Variants in SNAPC4 observed in about 807,000 individuals in gnomAD.
SNAPC4 encodes snRNA-activating protein complex subunit 4.
In SNAPC4, 127 loss-of-function variants were observed where a neutral mutation model predicts 151.3. That is an observed-to-expected ratio of 0.84 (90% CI 0.73 to 0.97). The LOEUF (loss-of-function observed/expected upper bound fraction) is 0.97. SNAPC4 is among the 50% of genes least tolerant of loss of function. The probability of loss-of-function intolerance (pLI) is 0.00; values close to 1 mark genes in which losing one functional copy is unlikely to be tolerated. For synonymous variants in SNAPC4, 1,002 were observed against 824.4 expected, an observed-to-expected ratio of 1.22 and a Z score of -3.69; for missense variants, 2,186 against 1,935.0, an observed-to-expected ratio of 1.13 and a Z score of -2.43.
rs150226177 is a variant in SNAPC4 at position 136,394,312 on chromosome 9, G to A, written c.569C>T (p.Ala190Val). 4.2e-5 allele frequency: 67 copies of A among 1,613,814 alleles called. No homozygotes were observed. In the African/African-American group the frequency reaches 7.7e-4, roughly 19 times the overall value. ...LVTKWKNWEK[A>V]LLRKSVVSDR... ...ACTCACCACTGACTTTCGGAGCAAG[G>A]CCTTTTCCCAGTTTTTCCCTGAGGA... Residue 190 changes from alanine (A) to valine (V), a missense_variant, in exon 7 of 24, where the codon GCC becomes GTC. Physicochemically the swap from Ala to Val is moderately conservative, Grantham distance 64 (BLOSUM62 0). Transcript: ENST00000684778.
In SNAPC4 at chr9:136,381,940, G is replaced by C. The variant is rs138358923; in HGVS notation, c.2201C>G (p.Ala734Gly). The change falls in exon 18 of 24, where the codon GCT (alanine) becomes GGT (glycine). Residue 734 changes from alanine (A) to glycine (G), a missense_variant. Ala to Gly is a moderately conservative substitution (Grantham distance 60). Transcript: ENST00000684778. ...GCGGTTCAGGAGCCTCCGGTGCAGA[G>C]CGTGTCTCCAGCGCCGCTGCCCACT... ...TQSGQRRWRH[A>G]LHRRLLNRRL... 1 of 1,612,800 alleles carries C rather than the reference G, an allele frequency of 6.2e-7. No homozygotes were observed. The highest frequency in any genetic ancestry group is 8.5e-7 in the Non-Finnish European group (1 of 1,179,976).
intron 23 of SNAPC4, among the ~76,000 whole-genome samples, chr9:136,376,092 A>T (rs1007848201): frequency 3.3e-5 from 5 of 152,322 alleles, no homozygotes; most frequent in Non-Finnish European, 7.4e-5. Context: ...GGAGGAGCCC[A>T]GACCCCAAAG....
chr9:136,385,819 G>A (rs1239791280), intron 13 of SNAPC4, among the ~76,000 whole-genome samples: 1 of 152,132 alleles, frequency 6.6e-6, no homozygotes, highest in African/African-American at 2.4e-5. Context: ...CTCCCAAAGT[G>A]CTAGGATTAC....
chr9:136,383,510 C>A lies in SNAPC4; in HGVS notation c.1659G>T (p.Gly553=), dbSNP rs753330623. Reference sequence around the variant, plus strand: ...GGGACAGCAGCGCTCTGTCACCCTCCCCGGCCTGCGCCTGCTCTGGCTCGT... The same window carrying A: ...GGGACAGCAGCGCTCTGTCACCCTCACCGGCCTGCGCCTGCTCTGGCTCGT... The part of the protein sequence containing the change: ...EEDEPEQAQA[G]EGDRALLSPQ... Residue 553 remains glycine, a synonymous_variant, in exon 16 of 24, where the codon GGG becomes GGT. Transcript: ENST00000684778. This position sits in a 1 kb window ranked among gnomAD's most constrained non-coding sequence, Gnocchi z 4.2. 1 of 1,581,550 alleles carries A rather than the reference C, an allele frequency of 6.3e-7. No homozygotes were observed. Among genetic ancestry groups the A allele is most frequent in the Non-Finnish European group, 8.6e-7 (1 of 1,164,374 alleles).
Position 136,378,654 on chromosome 9 carries a change from A to C in SNAPC4, c.3173T>G (p.Leu1058Arg). Reference sequence around the variant, plus strand: ...TGGCCCTCCTATGTGCGTCAGGCTGAGGGGCTGGACGGGCAGTGGGGTGGG... The same window carrying C: ...TGGCCCTCCTATGTGCGTCAGGCTGCGGGGCTGGACGGGCAGTGGGGTGGG... ...PSPTPLPVQP[L>R]SLTHIGGPHV... Residue 1058 changes from leucine to arginine, a missense_variant, in exon 22 of 24, where the codon CTC (leucine) becomes CGC (arginine). Coordinates refer to ENST00000684778, the MANE Select transcript of SNAPC4 (RefSeq NM_003086.4). 6.9e-7 allele frequency: 1 copy of C among 1,444,226 alleles called. No homozygotes were observed. Among genetic ancestry groups the C allele is most frequent in the South Asian group, 1.3e-5 (1 of 76,958 alleles). 89.5% of individuals were successfully genotyped at this position (1,444,226 alleles called of 1,614,324 possible).
intron 10 of SNAPC4, among the ~76,000 whole-genome samples, chr9:136,389,474 C>T (rs919476167): frequency 6.6e-6 from 1 of 152,130 alleles, no homozygotes; most frequent in Non-Finnish European, 1.5e-5. Context: ...TCTTCCCCAC[C>T]AAGTCCTTCC....
chr9:136,378,406 T>G lies in SNAPC4; in HGVS notation c.3421A>C (p.Asn1141His), dbSNP rs1833550013. ...CTGCAGGAAGGCTCCGGTTCCCTGT[T>G]CATATTGGCTGGGGGCTGCCAAGAG... ...SSSWQPPANM[N>H]REPEPSCRTD... Residue 1141 changes from asparagine (N) to histidine (H), a missense_variant, in exon 22 of 24, where the codon AAC becomes CAC. By Grantham distance (68) the Asn-to-His change is moderately conservative (BLOSUM62 1). Coordinates refer to ENST00000684778, the MANE Select transcript of SNAPC4 (RefSeq NM_003086.4). 2 of 1,606,864 alleles carry G rather than the reference T, an allele frequency of 1.2e-6. No individual in the cohort carries two copies. The highest frequency in any genetic ancestry group is 1.7e-6 in the Non-Finnish European group (2 of 1,178,324).
Position 136,398,300 on chromosome 9 carries a change from T to G in SNAPC4, c.129A>C (p.Ala43=), listed in dbSNP as rs1439715550. 9.3e-6 allele frequency: 15 copies of G among 1,612,874 alleles called. No individual in the cohort carries two copies. In the Admixed American group the frequency reaches 2.2e-4, roughly 23 times the overall value. The part of the protein sequence containing the change: ...SESSLESDSE[A]DSLPSEDLDP... ...GGAGGCTAGGTACAAGGGGCTTACC[T>G]GCTTCAGAATCTGACTCGAGACTTG... The change falls in exon 2 of 24, where the codon GCA becomes GCC. Residue 43 remains alanine (A), a splice_region_variant and synonymous_variant. Transcript: ENST00000684778.
chr9:136,385,475 A>G (rs1025112013), intron 13 of SNAPC4, among the ~76,000 whole-genome samples: 1 of 152,246 alleles, frequency 6.6e-6, no homozygotes, highest in African/African-American at 2.4e-5. Flanking sequence ...AAGTGCAAGC[A>G]AATGTTCAGA....
chr9:136,398,374 T>C lies in SNAPC4; in HGVS notation c.55A>G (p.Arg19Gly). The C allele has an allele frequency of 6.2e-7, 1 of 1,613,986 alleles. No individual in the cohort carries two copies. Among genetic ancestry groups the C allele is most frequent in the Non-Finnish European group, 8.5e-7 (1 of 1,179,930 alleles). The change falls in exon 2 of 24, where the codon AGG becomes GGG. Residue 19 changes from arginine to glycine, a missense_variant. Coordinates refer to ENST00000684778, the MANE Select transcript of SNAPC4 (RefSeq NM_003086.4). The stretch of plus-strand genomic sequence containing the variant: ...CCCGAGGAGCCGGGATCCAAAATCC[T>C]TTCCAGCTCCTTGATCTCCTGTGTT... ...KITQEIKELE[R>G]ILDPGSSGSH...
intron 22 of SNAPC4, among the ~76,000 whole-genome samples, 184 bp downstream of exon 22, chr9:136,377,359 C>T (rs1833485995): frequency 6.6e-6 from 1 of 152,090 alleles, no homozygotes; most frequent in African/African-American, 2.4e-5. Context: ...AAAGGGAGGC[C>T]ACTTCTGCAG....
chr9:136,383,266 GGGCCCT>G lies in SNAPC4; in HGVS notation c.1897_1902del (p.Arg633_Ala634del). On this transcript the variant is annotated inframe_deletion, in exon 16 of 24. Transcript: ENST00000684778. The surrounding 1 kb of genome is among the most constrained non-coding windows in gnomAD (Gnocchi z 4.2). ...TGGGCAGACCTCGGGACAGGGCCGTGGGCCCTGGCAGGGACCTGCACCGGACTCGTC... is the reference window on the plus strand; with the variant it reads ...TGGGCAGACCTCGGGACAGGGCCGTGGGCAGGGACCTGCACCGGACTCGTC... 6.2e-7 allele frequency: 1 copy of G among 1,610,802 alleles called. No homozygotes were observed.
At chr9:136,394,777 G>A (rs375910722) in intron 6 of SNAPC4, 23 bp downstream of exon 6, 117 of 1,609,112 alleles carry the variant, frequency 7.3e-5, no homozygotes, top group Admixed American at 4.4e-4. Context: ...CAGGGGTGCC[G>A]CAGGGCCGGC....
At position 136,395,300 on chromosome 9, in the gene SNAPC4, C is replaced by A. The variant is rs759754919; in HGVS notation, c.469G>T (p.Val157Leu). The A allele has an allele frequency of 6.2e-7, 1 of 1,612,908 alleles. No individual in the cohort carries two copies. Among genetic ancestry groups the A allele is most frequent in the Non-Finnish European group, 8.5e-7 (1 of 1,179,668 alleles). The change falls in exon 5 of 24, where the codon GTG (valine) becomes TTG (leucine). Residue 157 changes from valine (V) to leucine (L), a missense_variant and splice_region_variant. Coordinates refer to ENST00000684778, the MANE Select transcript of SNAPC4 (RefSeq NM_003086.4). Reference sequence around the variant, plus strand: ...AGAGCAGGGCCTCGGCCACTCACCACGCCCGTGACCTTGTCCTTGAAATAC... The same window carrying A: ...AGAGCAGGGCCTCGGCCACTCACCAAGCCCGTGACCTTGTCCTTGAAATAC... ...KPYFKDKVTG[V>L]GPPANEDTRE...
intron 16 of SNAPC4, among the ~76,000 whole-genome samples, 158 bp from the exon 17 acceptor site, chr9:136,382,494 C>T (rs1291005451): frequency 1.3e-5 from 2 of 152,218 alleles, no homozygotes; most frequent in South Asian, 2.1e-4. Context: ...CCATGGGAAG[C>T]GTGGGTTCCC....
At chr9:136,393,218 C>T (rs1834142895) in intron 7 of SNAPC4, among the ~76,000 whole-genome samples, 1 of 152,224 alleles carries the variant, frequency 6.6e-6, no homozygotes, top group Non-Finnish European at 1.5e-5. Context: ...AGGAGAGACC[C>T]ACCGTCATCA....
At chr9:136,388,929 T>C (rs887603742) in intron 10 of SNAPC4, among the ~76,000 whole-genome samples, 1 of 152,242 alleles carries the variant, frequency 6.6e-6, no homozygotes, top group African/African-American at 2.4e-5. Context: ...TGGCAAGGGC[T>C]GGGAGACGCA....
chr9:136,386,297 C>T (rs1431819241), intron 13 of SNAPC4, among the ~76,000 whole-genome samples: 1 of 152,008 alleles, frequency 6.6e-6, no homozygotes, highest in East Asian at 1.9e-4. Flanking sequence ...GTTCTTTGCC[C>T]GCGATTAGAT....
chr9:136,398,840 G>A (rs775860151), intron 1 of SNAPC4: 9 of 171,824 alleles, frequency 5.2e-5, no homozygotes, highest in East Asian at 3.2e-4. Context: ...GACACAGCCC[G>A]TGACCCACTT....
Sources: allele counts gnomAD v4.1 joint callset (sites outside exome capture counted in the v4.1 genomes callset), GRCh38; gene constraint gnomAD v4.1.1; non-coding constraint Gnocchi (gnomAD v3.1); transcripts MANE v1.5; gene names NCBI Gene and HGNC (gene_info 2026-07-23, HGNC 2026-07-21).